The following TBC1D32 variants were observed in gnomAD, a reference collection of about 807,000 sequenced individuals.
The protein encoded by TBC1D32 is protein broad-minded.
In TBC1D32, 151 loss-of-function variants were observed where a neutral mutation model predicts 170.3. The ratio of observed to expected loss-of-function variants is 0.89; its 90% CI spans 0.78 to 1.01. TBC1D32 has a LOEUF of 1.01. Ranked by LOEUF, TBC1D32 falls within the 50% of genes least tolerant of loss-of-function variation. The pLI, the probability that TBC1D32 is intolerant of heterozygous loss-of-function variation, is 0.00. For synonymous variants in TBC1D32, 498 were observed against 488.0 expected, an observed-to-expected ratio of 1.02 and a Z score of -0.27; for missense variants, 1,464 against 1,457.1, an observed-to-expected ratio of 1.00 and a Z score of -0.08.
At chr6:121,158,564 G>A (rs1307287416) in intron 24 of TBC1D32, among the ~76,000 whole-genome samples, 2 of 152,088 alleles carry the variant, frequency 1.3e-5, no homozygotes, top group Non-Finnish European at 2.9e-5. Context: ...TTTGGTTGGA[G>A]GTAAGAGGAC....
At chr6:121,161,668 T>C (rs969843232) in intron 22 of TBC1D32, among the ~76,000 whole-genome samples, 2 of 152,184 alleles carry the variant, frequency 1.3e-5, no homozygotes, top group African/African-American at 4.8e-5. Flanking sequence ...ATTTGTCTAA[T>C]AGAAGGATTT....
rs188228342 is a variant in TBC1D32, at chr6:121,256,460, G to A, written c.1734-175C>T. ...ATGTCTAGTAATGAGAACAGTTTCC[G>A]TGGGATGGAAGGAAAAAAATACAGA... is the stretch of plus-strand genomic sequence containing the variant. On this transcript the variant is annotated intron_variant, in intron 15 of 31. Coordinates refer to ENST00000398212, the MANE Select transcript of TBC1D32 (RefSeq NM_152730.6). 1.0e-3 allele frequency among the ~76,000 whole-genome samples: 154 copies of A among 152,152 alleles called. 1 individual carries two copies. The highest frequency in any genetic ancestry group is 1.2e-3 in the Admixed American group (18 of 15,278).
intron 15 of TBC1D32, among the ~76,000 whole-genome samples, chr6:121,275,066 A>G (rs1402397604): frequency 6.6e-6 from 1 of 152,236 alleles, no homozygotes; most frequent in Non-Finnish European, 1.5e-5. Flanking sequence ...AGTGTTCACA[A>G]TGTGAATACA....
intron 3 of TBC1D32, among the ~76,000 whole-genome samples, chr6:121,315,779 A>T (rs1445392364): frequency 6.6e-6 from 1 of 152,126 alleles, no homozygotes; most frequent in Non-Finnish European, 1.5e-5. Context: ...CTCTTTGGTC[A>T]GCTATATGAA....
At chr6:121,180,929 G>T (rs1209626993) in intron 22 of TBC1D32, among the ~76,000 whole-genome samples, 3 of 151,996 alleles carry the variant, frequency 2.0e-5, no homozygotes, top group African/African-American at 7.2e-5. Flanking sequence ...ATGGGCAAAA[G>T]ATATAAACAG....
rs1210470750 is a variant in TBC1D32, at chr6:121,334,261, C to G, written c.155+15G>C. On this transcript the variant is annotated intron_variant, in intron 1 of 31. Coordinates refer to ENST00000398212, the MANE Select transcript of TBC1D32 (RefSeq NM_152730.6). The stretch of plus-strand genomic sequence containing the variant: ...TCGATGGTTTATAGGCTTAAAACAT[C>G]AAAAGCAATTTTACTTGTGAAAATT... The G allele has an allele frequency of 1.2e-6, 2 of 1,612,068 alleles. No homozygotes were observed. The highest frequency in any genetic ancestry group is 4.5e-5 in the East Asian group (2 of 44,856).
intron 20 of TBC1D32, among the ~76,000 whole-genome samples, chr6:121,227,700 T>C (rs1382375306): frequency 6.6e-6 from 1 of 152,114 alleles, no homozygotes; most frequent in Admixed American, 6.5e-5. Context: ...TACTGCTGAA[T>C]TCCAATCGAT....
chr6:121,119,446 AT>A (rs1351395373), intron 26 of TBC1D32, among the ~76,000 whole-genome samples: 1 of 152,134 alleles, frequency 6.6e-6, no homozygotes, highest in Non-Finnish European at 1.5e-5. Flanking sequence ...ATTTAATTAA[AT>A]TTAAAACTAT....
chr6:121,331,375 A>ATTTTT (rs5879594), intron 1 of TBC1D32, among the ~76,000 whole-genome samples: 1 of 139,362 alleles, frequency 7.2e-6, no homozygotes. Context: ...TGCCCGGCTA[A>ATTTTT]TTTTTTTTTT....
chr6:121,224,349 T>C (rs1330766742), intron 20 of TBC1D32: 1 of 152,162 alleles, frequency 6.6e-6, no homozygotes, highest in African/African-American at 2.4e-5. Context: ...TTGCATTATA[T>C]TAATTGTACT....
At chr6:121,221,054 C>T (rs1428272733) in intron 21 of TBC1D32, among the ~76,000 whole-genome samples, 2 of 152,104 alleles carry the variant, frequency 1.3e-5, no homozygotes, top group Non-Finnish European at 2.9e-5. Context: ...AAAAGACAGG[C>T]GAACTCTCTT....
rs60783883 is a variant in TBC1D32 at position 121,295,289 on chromosome 6, C to CA, written c.1141-630dup. ...CATCGATGGCCTCTTATCCTAATTC[C>CA]AAAAAAAAAAAAAAAAAAGCCACCA... On this transcript the variant is annotated intron_variant, in intron 10 of 31. Coordinates refer to ENST00000398212, the MANE Select transcript of TBC1D32 (RefSeq NM_152730.6). Among the ~76,000 whole-genome samples, 768 of 108,510 alleles carry CA rather than the reference C, an allele frequency of 7.1e-3. 18 individuals carry two copies. Among genetic ancestry groups the CA allele is most frequent in the South Asian group, 0.037 (111 of 2,978 alleles). The allele number at this position is 108,510 out of a possible 152,430, so 71.2% of individuals were successfully genotyped here. A position where few individuals can be genotyped will look rare whatever the true frequency, so the allele number is the denominator to read the frequency against.
At chr6:121,290,804 G>A (rs1192037454) in intron 12 of TBC1D32, among the ~76,000 whole-genome samples, 2 of 151,990 alleles carry the variant, frequency 1.3e-5, no homozygotes, top group South Asian at 2.1e-4. Flanking sequence ...CATACACCAT[G>A]GAATACTATG....
intron 17 of TBC1D32, among the ~76,000 whole-genome samples, chr6:121,253,193 C>T (rs1798518228): frequency 6.6e-6 from 1 of 152,048 alleles, no homozygotes; most frequent in African/African-American, 2.4e-5. Flanking sequence ...TATTCACAAA[C>T]TATGCAATGT....
chr6:121,181,763 C>T (rs1286899002), intron 22 of TBC1D32, among the ~76,000 whole-genome samples: 1 of 152,110 alleles, frequency 6.6e-6, no homozygotes, highest in Non-Finnish European at 1.5e-5. Flanking sequence ...AAACGTAATA[C>T]ATTTACTAAA....
At chr6:121,113,606 G>A (rs73768912) in intron 27 of TBC1D32, among the ~76,000 whole-genome samples, 11,769 of 152,076 alleles carry the variant, frequency 0.077, 907 homozygotes, top group African/African-American at 0.2. Flanking sequence ...ATAGTGACTA[G>A]GGGGCACTAC....
chr6:121,229,173 C>T (rs535987153), intron 20 of TBC1D32, among the ~76,000 whole-genome samples: 1 of 152,182 alleles, frequency 6.6e-6, no homozygotes, highest in Admixed American at 6.6e-5. Context: ...CTACAATTAC[C>T]TCGCCTGCCC....
At chr6:121,087,950 A>ATT (rs571335757) in intron 31 of TBC1D32, among the ~76,000 whole-genome samples, 50 of 141,418 alleles carry the variant, frequency 3.5e-4, no homozygotes, top group African/African-American at 5.4e-4. Context: ...TACATGGGGA[A>ATT]TTTTTTTTTT....
chr6:121,272,943 G>C (rs2128428770), intron 15 of TBC1D32, among the ~76,000 whole-genome samples: 1 of 152,252 alleles, frequency 6.6e-6, no homozygotes, highest in Admixed American at 6.5e-5. Flanking sequence ...AAACGGATGA[G>C]TTCATGTCCT....
Sources: allele counts gnomAD v4.1 joint callset (sites outside exome capture counted in the v4.1 genomes callset), GRCh38; gene constraint gnomAD v4.1.1; transcripts MANE v1.5; gene names NCBI Gene and HGNC (gene_info 2026-07-23, HGNC 2026-07-21).